Variants in RAD54L2 observed in about 807,000 individuals in gnomAD.
The protein encoded by RAD54L2 is RAD54 like 2, also known as helicase ARIP4.
RAD54L2 carries 27 observed loss-of-function variants against 138.4 expected under a neutral mutation model. The observed-to-expected ratio is 0.20, with a 90% CI of 0.14 to 0.27. The LOEUF is 0.27. Ranked by LOEUF, RAD54L2 falls within the 10% of genes least tolerant of loss-of-function variation. The pLI is 1.00. For synonymous variants in RAD54L2, 644 were observed against 723.2 expected (o/e 0.89, Z 1.76); for missense variants, 1,396 against 1,890.2 (o/e 0.74, Z 4.85).
chr3:51,630,673 A>G, intron 6 of RAD54L2, 32 bp from the exon 7 acceptor site: 3 of 1,565,394 alleles, frequency 1.9e-6, no homozygotes, highest in East Asian at 2.3e-5. Flanking sequence ...CACTCCCTGG[A>G]TTTTTGGTTT....
chr3:51,604,861 A>G (rs920372723), intron 3 of RAD54L2, among the ~76,000 whole-genome samples: 1 of 152,138 alleles, frequency 6.6e-6, no homozygotes, highest in African/African-American at 2.4e-5. Context: ...ACCCTCCTGA[A>G]GGGAAGGTGG....
chr3:51,574,471 A>G (rs1039235651), intron 2 of RAD54L2, among the ~76,000 whole-genome samples: 1 of 152,148 alleles, frequency 6.6e-6, no homozygotes, highest in Non-Finnish European at 1.5e-5. Context: ...AACAGTGTAA[A>G]AGTGTTCCTA....
intron 2 of RAD54L2, among the ~76,000 whole-genome samples, chr3:51,557,345 G>A (rs1358079596): frequency 6.6e-6 from 1 of 151,732 alleles, no homozygotes; most frequent in Non-Finnish European, 1.5e-5. Flanking sequence ...GCCATGCCCA[G>A]CTAATTTTTA....
At chr3:51,651,888 G>C (rs1180287466) in intron 19 of RAD54L2, among the ~76,000 whole-genome samples, 1 of 152,184 alleles carries the variant, frequency 6.6e-6, no homozygotes, top group Non-Finnish European at 1.5e-5. Context: ...AGACTGGGAT[G>C]CTCTCTCTCA....
Position 51,590,459 on chromosome 3 carries a change from G to A in RAD54L2, c.39G>A (p.Leu13=), listed in dbSNP as rs901266823. 1.3e-5 allele frequency: 20 copies of A among 1,551,520 alleles called. No individual in the cohort carries two copies. Among genetic ancestry groups the A allele is most frequent in the Non-Finnish European group, 1.6e-5 (18 of 1,146,734 alleles). ...CTGCCTCAGGGAGCGATCCAGACCTGGACCCGGACGTGGAGCTGGAGGATG... is the reference window on the plus strand; with the variant it reads ...CTGCCTCAGGGAGCGATCCAGACCTAGACCCGGACGTGGAGCTGGAGGATG... ...DESASGSDPD[L]DPDVELEDAE... is the part of the protein sequence containing the mutation. The change falls in exon 3 of 23, where the codon CTG becomes CTA. Residue 13 remains leucine (L), a synonymous_variant. Coordinates refer to ENST00000684192, the MANE Select transcript of RAD54L2 (RefSeq NM_015106.4).
chr3:51,646,527 C>A, intron 19 of RAD54L2, 46 bp downstream of exon 19: 1 of 1,477,184 alleles, frequency 6.8e-7, no homozygotes, highest in Non-Finnish European at 9.2e-7. Flanking sequence ...CAGGCACAAA[C>A]ACCTTTCAAC....
chr3:51,588,963 C>T (rs1430850823), intron 2 of RAD54L2, among the ~76,000 whole-genome samples: 1 of 152,088 alleles, frequency 6.6e-6, no homozygotes, highest in Non-Finnish European at 1.5e-5. Flanking sequence ...TCAGTGAGAA[C>T]TTCACTGACC....
chr3:51,607,592 T>G (rs1700217077), intron 3 of RAD54L2, among the ~76,000 whole-genome samples: 2 of 152,246 alleles, frequency 1.3e-5, no homozygotes, highest in Non-Finnish European at 2.9e-5. Flanking sequence ...GCCATTGTCA[T>G]CATGGCCCGT....
Position 51,607,522 on chromosome 3 carries a change from A to G in RAD54L2, c.139+16963A>G, listed in dbSNP as rs145005298. On this transcript the variant is annotated intron_variant, in intron 3 of 22. Transcript: ENST00000684192. ...GTCTACTTCTTTCTACACAGACACA[A>G]TAACAATCCGATCTTTCTTTCTTTT... Among the ~76,000 whole-genome samples the G allele has an allele frequency of 3.0e-3, 463 of 152,348 alleles. 15 individuals are homozygous for G. In the East Asian group the frequency reaches 0.079, roughly 26 times the overall value.
intron 9 of RAD54L2, 112 bp downstream of exon 9, chr3:51,634,147 G>T: frequency 2.2e-6 from 3 of 1,356,796 alleles, no homozygotes; most frequent in East Asian, 2.4e-5. Context: ...ATTTGTTTTT[G>T]GTTTCCTGAT....
intron 15 of RAD54L2, among the ~76,000 whole-genome samples, chr3:51,643,400 C>G (rs1366962763): frequency 6.6e-6 from 1 of 152,182 alleles, no homozygotes; most frequent in Non-Finnish European, 1.5e-5. Flanking sequence ...TCCTACTGTT[C>G]CAGATGTATT....
intron 2 of RAD54L2, among the ~76,000 whole-genome samples, chr3:51,559,858 C>G (rs1699058334): frequency 6.6e-6 from 1 of 152,192 alleles, no homozygotes; most frequent in African/African-American, 2.4e-5. Flanking sequence ...TGGGCAGTTT[C>G]AGCTACAGGA....
In RAD54L2 at chr3:51,634,000, G is replaced by A; in HGVS notation, c.1107G>A (p.Arg369=). Residue 369 remains arginine (R), a synonymous_variant, in exon 9 of 23, where the codon CGG becomes CGA. Transcript: ENST00000684192. ...ADNKPEEVQP[R]FFKVHILNDE... is the part of the protein sequence containing the mutation. ...ACAAGCCTGAAGAAGTCCAGCCTCGGTTCTTTAAAGTTCACATCTTGAATG... is the reference window on the plus strand; with the variant it reads ...ACAAGCCTGAAGAAGTCCAGCCTCGATTCTTTAAAGTTCACATCTTGAATG... The A allele has an allele frequency of 6.2e-7, 1 of 1,613,828 alleles. No individual in the cohort carries two copies. The highest frequency in any genetic ancestry group is 8.5e-7 in the Non-Finnish European group (1 of 1,179,880).
rs376526657 is a variant in RAD54L2 at position 51,665,414 on chromosome 3, AAGG to A, written c.*1997_*1999del. The A allele has an allele frequency of 1.8e-4, 27 of 152,270 alleles. No homozygotes were observed. Among genetic ancestry groups the A allele is most frequent in the African/African-American group, 6.0e-4 (25 of 41,542 alleles). 9.4% of individuals were successfully genotyped at this position (152,270 alleles called of 1,614,324 possible). A position where few individuals can be genotyped will look rare whatever the true frequency, so the allele number is the denominator to read the frequency against. On this transcript the variant is annotated 3_prime_UTR_variant, in exon 23 of 23. Transcript: ENST00000684192. ...GGGGTATTGTCCTCAGAGAAGAGAC[AAGG>A]AGATGATGGATGGGGTGCATGTGTA...
chr3:51,558,975 G>A (rs1030247772), intron 2 of RAD54L2, among the ~76,000 whole-genome samples: 2 of 152,032 alleles, frequency 1.3e-5, no homozygotes, highest in African/African-American at 4.8e-5. Flanking sequence ...CCACGTTTAA[G>A]CAATTCTACT....
chr3:51,662,879 A>G lies in RAD54L2; in HGVS notation c.3863A>G (p.Tyr1288Cys), dbSNP rs1701819165. 1.9e-6 allele frequency: 3 copies of G among 1,613,788 alleles called. No individual in the cohort carries two copies. The highest frequency in any genetic ancestry group is 1.7e-5 in the Admixed American group (1 of 59,998). Residue 1288 changes from tyrosine to cysteine, a missense_variant, in exon 23 of 23, where the codon TAT (tyrosine) becomes TGT (cysteine). Physicochemically the swap from Tyr to Cys is radical, Grantham distance 194. Transcript: ENST00000684192. The surrounding 1 kb of genome is among the most constrained non-coding windows in gnomAD (Gnocchi z 4.6). ...CCCGTGCAGCCGTATGAACACGGGT[A>G]TCCAGTCTCTGGCGGGTTTGCCATG... Reference protein sequence around the residue: ...PAPVQPYEHGYPVSGGFAMPP... With the variant: ...PAPVQPYEHGCPVSGGFAMPP...
intron 3 of RAD54L2, among the ~76,000 whole-genome samples, chr3:51,597,201 C>CTAG (rs974907752): frequency 6.7e-6 from 1 of 148,908 alleles, no homozygotes; most frequent in Non-Finnish European, 1.5e-5. Flanking sequence ...CCCACAAAAC[C>CTAG]TAGGGCTTTT....
rs1699814499 is a variant in RAD54L2 at position 51,590,414 on chromosome 3, G to C, written c.-7G>C. ...TCGGTAATGCCCACTGAGGACCTCT[G>C]GGAGCCATGTCAGACGAATCTGCCT... On this transcript the variant is annotated 5_prime_UTR_variant, in exon 3 of 23. Coordinates refer to ENST00000684192, the MANE Select transcript of RAD54L2 (RefSeq NM_015106.4). The C allele has an allele frequency of 6.5e-7, 1 of 1,528,150 alleles. No homozygotes were observed. 94.7% of individuals were successfully genotyped at this position (1,528,150 alleles called of 1,614,324 possible).
chr3:51,659,634 T>G (rs549774781), intron 21 of RAD54L2, among the ~76,000 whole-genome samples: 2 of 152,166 alleles, frequency 1.3e-5, no homozygotes, highest in Non-Finnish European at 2.9e-5. Context: ...TGGGCCAGAG[T>G]GCCTGGGAAC....
Sources: allele counts gnomAD v4.1 joint callset (sites outside exome capture counted in the v4.1 genomes callset), GRCh38; gene constraint gnomAD v4.1.1; non-coding constraint Gnocchi (gnomAD v3.1); transcripts MANE v1.5; gene names NCBI Gene and HGNC (gene_info 2026-07-23, HGNC 2026-07-21).